Variants in TRAPPC9 observed in about 807,000 individuals in gnomAD.
TRAPPC9 encodes the protein trafficking protein particle complex subunit 9.
In TRAPPC9, 83 loss-of-function variants were observed where a neutral mutation model predicts 124.0. The ratio of observed to expected loss-of-function variants is 0.67; its 90% confidence interval spans 0.56 to 0.80. TRAPPC9 has a LOEUF of 0.80. Among genes scored for constraint, TRAPPC9 ranks in the 30% least tolerant of loss-of-function variants. The pLI, the probability that TRAPPC9 is intolerant of heterozygous loss-of-function variation, is 0.00. For missense variants in TRAPPC9, 1,302 were observed against 1,508.3 expected, an observed-to-expected ratio of 0.86 and a Z score of 2.27; for synonymous variants, 638 against 617.5, an observed-to-expected ratio of 1.03 and a Z score of -0.49.
chr8:140,086,840 G>A (rs566433773), intron 17 of TRAPPC9, among the ~76,000 whole-genome samples: 5 of 152,120 alleles, frequency 3.3e-5, no homozygotes, highest in Admixed American at 6.5e-5. Flanking sequence ...GAGGCTGAAG[G>A]AGAATTGCTT....
At chr8:139,934,814 G>A (rs1016659152) in intron 19 of TRAPPC9, among the ~76,000 whole-genome samples, 1 of 152,188 alleles carries the variant, frequency 6.6e-6, no homozygotes, top group Non-Finnish European at 1.5e-5. Flanking sequence ...GGACAGCGCT[G>A]GCCAAAGGAC....
At chr8:140,402,136 G>A (rs2069299049) in intron 6 of TRAPPC9, among the ~76,000 whole-genome samples, 2 of 152,088 alleles carry the variant, frequency 1.3e-5, no homozygotes, top group South Asian at 2.1e-4. Flanking sequence ...GGAGGCCATG[G>A]TGGGAGGATT....
At chr8:140,008,729 C>T (rs1288938466) in intron 18 of TRAPPC9, 1 of 152,240 alleles carries the variant, frequency 6.6e-6, no homozygotes, top group Non-Finnish European at 1.5e-5. Context: ...TCCGATGCCT[C>T]ATTATAGATA....
chr8:139,989,135 G>T (rs986451663), intron 18 of TRAPPC9, among the ~76,000 whole-genome samples: 2 of 152,148 alleles, frequency 1.3e-5, no homozygotes, highest in Non-Finnish European at 2.9e-5. Flanking sequence ...AAGGTAACCC[G>T]AATTCTCCAA....
At chr8:140,187,954 A>G (rs964338886) in intron 17 of TRAPPC9, among the ~76,000 whole-genome samples, 1 of 152,212 alleles carries the variant, frequency 6.6e-6, no homozygotes, top group Non-Finnish European at 1.5e-5. Flanking sequence ...GGTTCTTAAA[A>G]GCAGTGATGG....
At chr8:140,030,452 G>C (rs565393465) in intron 17 of TRAPPC9, among the ~76,000 whole-genome samples, 11 of 152,252 alleles carry the variant, frequency 7.2e-5, no homozygotes, top group South Asian at 4.2e-4. Context: ...AAATAGCTAG[G>C]TAAATCCTCC....
chr8:140,330,451 C>T (rs539350005), intron 9 of TRAPPC9, among the ~76,000 whole-genome samples: 107 of 152,230 alleles, frequency 7.0e-4, no homozygotes, highest in African/African-American at 2.4e-3. Context: ...CATTAACTGC[C>T]TCCTGTCAAT....
At chr8:140,118,886 C>T (rs143828835) in intron 17 of TRAPPC9, among the ~76,000 whole-genome samples, 47 of 152,344 alleles carry the variant, frequency 3.1e-4, no homozygotes, top group African/African-American at 1.1e-3. Flanking sequence ...GTCCCACCTG[C>T]GGCCTGGCCC....
At chr8:139,757,644 T>G (rs1295208911) in intron 21 of TRAPPC9, among the ~76,000 whole-genome samples, 2 of 152,032 alleles carry the variant, frequency 1.3e-5, no homozygotes, top group Non-Finnish European at 2.9e-5. Flanking sequence ...GCAGTGCCTG[T>G]CAGTGCCATC....
intron 17 of TRAPPC9, among the ~76,000 whole-genome samples, chr8:140,114,096 T>C (rs1357319409): frequency 6.6e-6 from 1 of 152,174 alleles, no homozygotes; most frequent in Non-Finnish European, 1.5e-5. Context: ...GCACCTCCAG[T>C]AGCATAGCTG....
intron 9 of TRAPPC9, among the ~76,000 whole-genome samples, chr8:140,345,647 C>T (rs543927302): frequency 4.6e-5 from 7 of 152,330 alleles, no homozygotes; most frequent in Admixed American, 1.3e-4. Flanking sequence ...TGGCGACAGG[C>T]CCCAGTCACA....
chr8:140,438,040 T>A (rs2070881093), intron 3 of TRAPPC9, among the ~76,000 whole-genome samples: 1 of 152,212 alleles, frequency 6.6e-6, no homozygotes, highest in African/African-American at 2.4e-5. Flanking sequence ...TTCACCCACT[T>A]AAAGTGTGCA....
rs182264700 is a variant in TRAPPC9 at position 139,977,893 on chromosome 8, C to T, written c.2810+10833G>A. Among the ~76,000 whole-genome samples the T allele has an allele frequency of 7.2e-5, 11 of 152,028 alleles. No homozygotes were observed. The East Asian group carries it at 2.2e-3, about 30-fold the overall frequency. On this transcript the variant is annotated intron_variant, in intron 19 of 22. Coordinates refer to ENST00000438773, the MANE Select transcript of TRAPPC9 (RefSeq NM_001160372.4). ...ACGGGGTTTCACCATGTTGGGCAGGCTGGTCTCAAACTCCTGACCTTAGGT... is the reference window on the plus strand; with the variant it reads ...ACGGGGTTTCACCATGTTGGGCAGGTTGGTCTCAAACTCCTGACCTTAGGT...
chr8:140,000,809 T>C (rs1838340109), intron 18 of TRAPPC9, among the ~76,000 whole-genome samples: 1 of 152,168 alleles, frequency 6.6e-6, no homozygotes, highest in African/African-American at 2.4e-5. Flanking sequence ...TCAACCATTG[T>C]GAAAGACAGT....
At chr8:139,893,607 G>A (rs1175876337) in intron 20 of TRAPPC9, among the ~76,000 whole-genome samples, 1 of 152,224 alleles carries the variant, frequency 6.6e-6, no homozygotes, top group Non-Finnish European at 1.5e-5. Flanking sequence ...ATGAAAACAT[G>A]CATGGCAAGT....
rs115569910 is a variant in TRAPPC9, at chr8:140,049,463, T to C, written c.2557-25384A>G. Reference sequence around the variant, plus strand: ...CACTAGGGACCTGCGGAAGGCACACTGTGGACACTGCGGGAAGAGCCGGCC... The same window carrying C: ...CACTAGGGACCTGCGGAAGGCACACCGTGGACACTGCGGGAAGAGCCGGCC... On this transcript the variant is annotated intron_variant, in intron 17 of 22. Transcript: ENST00000438773. Among the ~76,000 whole-genome samples, 1,488 of 152,136 alleles carry C rather than the reference T, an allele frequency of 9.8e-3. 25 individuals carry two copies. The highest frequency in any genetic ancestry group is 0.034 in the African/African-American group (1,406 of 41,502).
chr8:139,900,418 G>A (rs1188421996), intron 20 of TRAPPC9, among the ~76,000 whole-genome samples: 1 of 152,254 alleles, frequency 6.6e-6, no homozygotes, highest in Non-Finnish European at 1.5e-5. Flanking sequence ...CACGCATCCT[G>A]TCCTTGCTGT....
chr8:140,081,405 G>A (rs556289077), intron 17 of TRAPPC9, among the ~76,000 whole-genome samples: 11 of 148,486 alleles, frequency 7.4e-5, no homozygotes, highest in African/African-American at 2.7e-4. Flanking sequence ...GAGTGCAGTG[G>A]CACAGTCTCA....
intron 17 of TRAPPC9, among the ~76,000 whole-genome samples, chr8:140,107,201 G>C (rs897774769): frequency 1.3e-5 from 2 of 152,160 alleles, no homozygotes; most frequent in Non-Finnish European, 2.9e-5. Context: ...CTGCTTTCAA[G>C]TCCTGGTTCA....
Sources: allele counts gnomAD v4.1 joint callset (sites outside exome capture counted in the v4.1 genomes callset), GRCh38; gene constraint gnomAD v4.1.1; transcripts MANE v1.5; gene names NCBI Gene and HGNC (gene_info 2026-07-23, HGNC 2026-07-21).